FOLH1: variants seen among roughly 807,000 people sequenced by gnomAD.
FOLH1 encodes glutamate carboxypeptidase 2.
In FOLH1, 54 loss-of-function variants were observed where a neutral mutation model predicts 93.9. The observed-to-expected ratio is 0.57, with a 90% CI of 0.46 to 0.72. The LOEUF is 0.72. Among genes scored for constraint, FOLH1 ranks in the 30% least tolerant of loss-of-function variants. The pLI is 0.00. For synonymous variants in FOLH1, 249 were observed against 303.6 expected (o/e 0.82, Z 1.87); for missense variants, 571 against 892.5 (o/e 0.64, Z 4.59).
intron 18 of FOLH1, 99 bp downstream of exon 18, chr11:49,148,540 C>A: frequency 1.1e-6 from 1 of 888,836 alleles, no homozygotes; most frequent in South Asian, 1.7e-5. Flanking sequence ...TATTTGCTTG[C>A]AAGAAATCAA....
intron 4 of FOLH1, among the ~76,000 whole-genome samples, chr11:49,191,920 G>A (rs1385245433): frequency 6.6e-6 from 1 of 152,148 alleles, no homozygotes; most frequent in East Asian, 1.9e-4. Context: ...GGCTGATCTC[G>A]AACTCCTGAC....
intron 6 of FOLH1, among the ~76,000 whole-genome samples, chr11:49,184,111 A>G (rs1195454122): frequency 6.6e-6 from 1 of 152,174 alleles, no homozygotes; most frequent in Non-Finnish European, 1.5e-5. Flanking sequence ...ATCTAATAAG[A>G]AACTTAGGTA....
At chr11:49,190,597 A>G (rs1196743605) in intron 4 of FOLH1, among the ~76,000 whole-genome samples, 1 of 152,172 alleles carries the variant, frequency 6.6e-6, no homozygotes, top group Non-Finnish European at 1.5e-5. Context: ...TACAAACACA[A>G]ACTCTCAGGC....
chr11:49,188,584 T>A (rs1861678464), intron 4 of FOLH1, among the ~76,000 whole-genome samples: 1 of 151,340 alleles, frequency 6.6e-6, no homozygotes, highest in Admixed American at 6.6e-5. Flanking sequence ...TCTAACAACA[T>A]CATTGCAATT....
intron 16 of FOLH1, 105 bp from the exon 17 acceptor site, chr11:49,154,032 G>C (rs1856746740): frequency 1.5e-6 from 2 of 1,310,254 alleles, no homozygotes; most frequent in Non-Finnish European, 2.1e-6. Flanking sequence ...CATCTTTTGT[G>C]TTTTACAAGG....
chr11:49,207,362 G>A (rs770665452), intron 1 of FOLH1, among the ~76,000 whole-genome samples: 7 of 152,224 alleles, frequency 4.6e-5, no homozygotes, highest in Non-Finnish European at 1.0e-4. Context: ...TATGAGCACA[G>A]TGTGTGGTTC....
chr11:49,193,912 C>A (rs1339793062), intron 3 of FOLH1, among the ~76,000 whole-genome samples: 1 of 152,062 alleles, frequency 6.6e-6, no homozygotes, highest in Admixed American at 6.6e-5. Context: ...GTAATCCCAG[C>A]ACTTTGGGAG....
chr11:49,164,690 T>G lies in FOLH1; in HGVS notation c.1440+15A>C, dbSNP rs562942065. 81 of 1,555,928 alleles carry G rather than the reference T, an allele frequency of 5.2e-5. 1 individual carries two copies. In the Middle Eastern group the frequency reaches 1.0e-3, roughly 19 times the overall value. On this transcript the variant is annotated intron_variant, in intron 13 of 18. Coordinates refer to ENST00000256999, the MANE Select transcript of FOLH1 (RefSeq NM_004476.3). Reference sequence around the variant, plus strand: ...GTAGAATTTGGGTTTTCTTAAATTATATGTAATTATATACCTCTTTTGTTA... The same window carrying G: ...GTAGAATTTGGGTTTTCTTAAATTAGATGTAATTATATACCTCTTTTGTTA...
chr11:49,175,224 G>C (rs1859863877), intron 8 of FOLH1, among the ~76,000 whole-genome samples: 1 of 152,148 alleles, frequency 6.6e-6, no homozygotes, highest in Non-Finnish European at 1.5e-5. Context: ...CTTCATAGAG[G>C]AGGGGGAAGT....
At position 49,156,204 on chromosome 11, in the gene FOLH1, C is replaced by G. The variant is rs191469311; in HGVS notation, c.1623+513G>C. Among the ~76,000 whole-genome samples, 88 of 151,864 alleles carry G rather than the reference C, an allele frequency of 5.8e-4. 1 individual carries two copies. The highest frequency in any genetic ancestry group is 2.0e-3 in the African/African-American group (84 of 41,436). On this transcript the variant is annotated intron_variant, in intron 15 of 18. Transcript: ENST00000256999. ...TAAACATATTTCCCTTTTAAATGAC[C>G]CAGTCTCGGGTATGTCTTTATTAGG...
rs912731482 is a variant in FOLH1 at position 49,156,523 on chromosome 11, C to T, written c.1623+194G>A. On this transcript the variant is annotated intron_variant, in intron 15 of 18. Transcript: ENST00000256999. ...ACATGAGTATTGATACCAACTGACACTTGAATTTAGGGTTGGAATACAAGA... is the reference window on the plus strand; with the variant it reads ...ACATGAGTATTGATACCAACTGACATTTGAATTTAGGGTTGGAATACAAGA... Among the ~76,000 whole-genome samples, 6 of 152,080 alleles carry T rather than the reference C, an allele frequency of 3.9e-5. No individual in the cohort carries two copies. The South Asian group carries it at 1.0e-3, about 26-fold the overall frequency.
At position 49,208,501 on chromosome 11, in the gene FOLH1, T is replaced by C; in HGVS notation, c.-92A>G. 2.4e-6 allele frequency: 2 copies of C among 842,410 alleles called. No individual in the cohort carries two copies. Among genetic ancestry groups the C allele is most frequent in the East Asian group, 5.4e-5 (2 of 37,010 alleles). The allele number at this position is 842,410 out of a possible 1,614,324, so 52.2% of individuals were successfully genotyped here. On this transcript the variant is annotated 5_prime_UTR_variant, in exon 1 of 19. Coordinates refer to ENST00000256999, the MANE Select transcript of FOLH1 (RefSeq NM_004476.3). ...AACCACCACGGCGGGGTAAAGTCTC[T>C]CTCAATCTCACTAATGCCTCGCTTA...
At chr11:49,182,185 C>A (rs1311765521) in intron 7 of FOLH1, among the ~76,000 whole-genome samples, 1 of 151,716 alleles carries the variant, frequency 6.6e-6, no homozygotes, top group African/African-American at 2.4e-5. Flanking sequence ...AAAAATCAGC[C>A]GGGCATAGTG....
chr11:49,195,582 T>A (rs1212557067), intron 3 of FOLH1, among the ~76,000 whole-genome samples: 1 of 151,846 alleles, frequency 6.6e-6, no homozygotes, highest in Admixed American at 6.6e-5. Flanking sequence ...TAATAAAATA[T>A]AAAGCAAAGA....
chr11:49,164,639 C>A, intron 13 of FOLH1, 66 bp downstream of exon 13: 1 of 1,133,872 alleles, frequency 8.8e-7, no homozygotes, highest in Non-Finnish European at 1.3e-6. Context: ...CTATGTTTAA[C>A]ATAATACCTC....
At chr11:49,192,304 A>T (rs1014662057) in intron 4 of FOLH1, among the ~76,000 whole-genome samples, 1 of 152,212 alleles carries the variant, frequency 6.6e-6, no homozygotes, top group African/African-American at 2.4e-5. Flanking sequence ...GCAAAAACAT[A>T]AGGAAAATAA....
chr11:49,146,638 A>G lies in FOLH1; in HGVS notation c.*118T>C, dbSNP rs1385463013. ...CATATATAAACACTCACATAACTAT[A>G]TATAATATTCAACTTTATTTCAAAT... is the stretch of plus-strand genomic sequence containing the variant. On this transcript the variant is annotated 3_prime_UTR_variant, in exon 19 of 19. Transcript: ENST00000256999. 3.8e-6 allele frequency: 3 copies of G among 782,144 alleles called. No individual in the cohort carries two copies. In the African/African-American group the frequency reaches 5.3e-5, roughly 14 times the overall value. The allele number at this position is 782,144 out of a possible 1,614,324, so 48.5% of individuals were successfully genotyped here.
intron 10 of FOLH1, among the ~76,000 whole-genome samples, chr11:49,172,553 T>G (rs1051483804): frequency 6.6e-6 from 1 of 152,110 alleles, no homozygotes; most frequent in African/African-American, 2.4e-5. Context: ...GTCTTCTCCC[T>G]AGTTGCTATG....
intron 6 of FOLH1, among the ~76,000 whole-genome samples, chr11:49,184,999 A>G (rs1469119547): frequency 4.6e-5 from 7 of 152,192 alleles, no homozygotes; most frequent in Non-Finnish European, 1.0e-4. Flanking sequence ...TGAATAAGAG[A>G]TAATAACACC....
Sources: allele counts gnomAD v4.1 joint callset (sites outside exome capture counted in the v4.1 genomes callset), GRCh38; gene constraint gnomAD v4.1.1; transcripts MANE v1.5; gene names NCBI Gene and HGNC (gene_info 2026-07-23, HGNC 2026-07-21).